ACOT12: variants seen among roughly 807,000 people sequenced by gnomAD.
ACOT12 encodes acyl-CoA thioesterase 12, also known as acetyl-coenzyme A thioesterase.
In ACOT12, 51 loss-of-function variants were observed where a neutral mutation model predicts 67.7. The observed-to-expected ratio is 0.75, with a 90% confidence interval of 0.60 to 0.95. ACOT12 has a LOEUF of 0.95. Among genes scored for constraint, ACOT12 ranks in the 40% least tolerant of loss-of-function variants. The pLI is 0.00. For missense variants in ACOT12, 734 were observed against 708.1 expected, an observed-to-expected ratio of 1.04 and a Z score of -0.41; for synonymous variants, 251 against 244.6, an observed-to-expected ratio of 1.03 and a Z score of -0.24.
chr5:81,359,869 T>C (rs1365509192), intron 5 of ACOT12, 34 bp downstream of exon 5: 10 of 1,585,880 alleles, frequency 6.3e-6, no homozygotes, highest in African/African-American at 2.7e-5. Flanking sequence ...GTCACAGTTA[T>C]AGAATTAAAA....
At chr5:81,321,993 T>C in the ACOT12 span, among the ~76,000 whole-genome samples, 2 of 150,604 alleles carry the variant, frequency 1.3e-5, no homozygotes, top group South Asian at 2.1e-4. Flanking sequence ...AAGATGAATC[T>C]AAAGAAATTC....
At chr5:81,318,594 A>G in the ACOT12 span, among the ~76,000 whole-genome samples, 1 of 152,160 alleles carries the variant, frequency 6.6e-6, no homozygotes, top group South Asian at 2.1e-4. Flanking sequence ...AGCCAGCTTC[A>G]GTTTCGATAG....
At chr5:81,337,433 A>G (rs1759040486) in intron 11 of ACOT12, among the ~76,000 whole-genome samples, 1 of 152,228 alleles carries the variant, frequency 6.6e-6, no homozygotes, top group South Asian at 2.1e-4. Flanking sequence ...CCTGTACCTC[A>G]GAATCTGACC....
chr5:81,375,366 G>A (rs567264033), intron 2 of ACOT12, among the ~76,000 whole-genome samples: 13 of 152,180 alleles, frequency 8.5e-5, no homozygotes, highest in African/African-American at 3.1e-4. Context: ...AGGAACAACC[G>A]GTACCAGCCA....
the ACOT12 span, among the ~76,000 whole-genome samples, chr5:81,317,495 C>A: frequency 7.3e-6 from 1 of 137,240 alleles, no homozygotes; most frequent in Non-Finnish European, 1.5e-5. Context: ...AAGCGAGACT[C>A]CATCCCAAAA....
intron 2 of ACOT12, among the ~76,000 whole-genome samples, chr5:81,383,011 C>T (rs754732487): frequency 1.5e-4 from 23 of 152,086 alleles, no homozygotes; most frequent in Non-Finnish European, 3.1e-4. Flanking sequence ...TAGCATATTA[C>T]CATGTTTCCA....
intron 14 of ACOT12, 21 bp from the exon 15 acceptor site, chr5:81,330,564 A>G (rs2153841245): frequency 2.5e-6 from 4 of 1,610,652 alleles, no homozygotes; most frequent in Non-Finnish European, 3.4e-6. Flanking sequence ...AAGAAAGTAC[A>G]ATATTTTAAT....
intron 1 of ACOT12, among the ~76,000 whole-genome samples, chr5:81,390,251 T>A (rs1235651283): frequency 1.3e-5 from 2 of 151,212 alleles, no homozygotes; most frequent in African/African-American, 4.9e-5. Context: ...CATGAGCCAT[T>A]GTACCTGGCC....
rs926122290 is a variant in ACOT12 at position 81,339,255 on chromosome 5, C to T, written c.1129-3354G>A. Among the ~76,000 whole-genome samples, 66 of 152,154 alleles carry T rather than the reference C, an allele frequency of 4.3e-4. 1 individual carries two copies. Among genetic ancestry groups the T allele is most frequent in the Admixed American group, 3.5e-3 (53 of 15,270 alleles). On this transcript the variant is annotated intron_variant, in intron 11 of 14. Coordinates refer to ENST00000307624, the MANE Select transcript of ACOT12 (RefSeq NM_130767.3). ...TCTGGAGATGACCACGGGGGCCAAG[C>T]GGGTGGGGGTCGGAAGGGCGGAGCT...
chr5:81,393,116 G>T, intron 1 of ACOT12, among the ~76,000 whole-genome samples: 1 of 152,148 alleles, frequency 6.6e-6, no homozygotes, highest in Non-Finnish European at 1.5e-5. Context: ...TCTGTCACAA[G>T]AACACAGTGG....
chr5:81,381,987 G>C (rs1438823529), intron 2 of ACOT12, among the ~76,000 whole-genome samples: 1 of 152,110 alleles, frequency 6.6e-6, no homozygotes, highest in Non-Finnish European at 1.5e-5. Flanking sequence ...TCATTTGTTA[G>C]TGATAATATT....
In ACOT12 at chr5:81,385,615, A is replaced by G; in HGVS notation, c.197+142T>C. On this transcript the variant is annotated intron_variant, in intron 2 of 14. Transcript: ENST00000307624. ...AGGCCCTATGATTATTTTTTTACTT[A>G]CCTAAATTGGGTCACATGTTATTTA... 4 of 693,918 alleles carry G rather than the reference A, an allele frequency of 5.8e-6. No individual in the cohort carries two copies. In the South Asian group the frequency reaches 8.1e-5, roughly 14 times the overall value. The allele number at this position is 693,918 out of a possible 1,614,324, so 43.0% of individuals were successfully genotyped here.
rs891356123 is a variant in ACOT12 at position 81,350,873 on chromosome 5, G to A, written c.497-2943C>T. On this transcript the variant is annotated intron_variant, in intron 5 of 14. Transcript: ENST00000307624. ...TTTTGGAGGTTCCAGCACCAAGGAA[G>A]GTTCCCTGATCCAACCTTCTCCCTC... Among the ~76,000 whole-genome samples, 3 of 152,168 alleles carry A rather than the reference G, an allele frequency of 2.0e-5. No homozygotes were observed. In the South Asian group the frequency reaches 6.2e-4, roughly 32 times the overall value.
At chr5:81,380,812 G>A (rs1210401502) in intron 2 of ACOT12, among the ~76,000 whole-genome samples, 1 of 152,020 alleles carries the variant, frequency 6.6e-6, no homozygotes, top group East Asian at 1.9e-4. Context: ...TAATGACAGG[G>A]GTGTGTTCTG....
the ACOT12 span, among the ~76,000 whole-genome samples, chr5:81,322,070 G>A: frequency 6.6e-6 from 1 of 152,170 alleles, no homozygotes; most frequent in African/African-American, 2.4e-5. Context: ...AGGACAGAAT[G>A]AGAAGGCCTC....
Position 81,344,874 on chromosome 5 carries a change from G to T in ACOT12, c.924+17C>A. ...TTCACAGGTCCGGCTATTGAACCTCGTGTGATAATAACTGACCTTTGAAAT... is the reference window on the plus strand; with the variant it reads ...TTCACAGGTCCGGCTATTGAACCTCTTGTGATAATAACTGACCTTTGAAAT... On this transcript the variant is annotated intron_variant, in intron 8 of 14. Transcript: ENST00000307624. 5 of 1,613,778 alleles carry T rather than the reference G, an allele frequency of 3.1e-6. No homozygotes were observed. Among genetic ancestry groups the T allele is most frequent in the African/African-American group, 2.7e-5 (2 of 75,036 alleles).
At chr5:81,377,468 T>C (rs988297834) in intron 2 of ACOT12, among the ~76,000 whole-genome samples, 1 of 152,102 alleles carries the variant, frequency 6.6e-6, no homozygotes, top group Admixed American at 6.6e-5. Flanking sequence ...CTATTCAACA[T>C]AGTGTTGGAA....
intron 5 of ACOT12, among the ~76,000 whole-genome samples, chr5:81,352,051 T>C (rs1161186246): frequency 6.6e-6 from 1 of 152,180 alleles, no homozygotes; most frequent in Admixed American, 6.5e-5. Context: ...AAAACTACAA[T>C]GAGGTATCAT....
intron 6 of ACOT12, among the ~76,000 whole-genome samples, chr5:81,347,337 C>T (rs1759411999): frequency 1.3e-5 from 2 of 152,150 alleles, no homozygotes; most frequent in African/African-American, 4.8e-5. Flanking sequence ...TCTTGAACTC[C>T]TGGCATCAAG....
Sources: allele counts gnomAD v4.1 joint callset (sites outside exome capture counted in the v4.1 genomes callset), GRCh38; gene constraint gnomAD v4.1.1; transcripts MANE v1.5; gene names NCBI Gene and HGNC (gene_info 2026-07-23, HGNC 2026-07-21).